Variants in ABCG5 observed in about 807,000 individuals in gnomAD.
ABCG5 encodes the protein ATP binding cassette subfamily G member 5.
ABCG5 carries 64 observed loss-of-function variants against 64.5 expected under a neutral mutation model. The observed-to-expected ratio is 0.99, with a 90% confidence interval of 0.81 to 1.22. The LOEUF (loss-of-function observed/expected upper bound fraction) is 1.22, where lower values mean the gene tolerates loss of function less well. Ranked by LOEUF, ABCG5 falls within the 50% of genes most tolerant of loss-of-function variation. The pLI is 0.00. For missense variants in ABCG5, 908 were observed against 829.5 expected (o/e 1.09, Z -1.16); for synonymous variants, 385 against 326.3 (o/e 1.18, Z -1.94).
At chr2:43,838,921 G>T (rs1028308635), upstream of ABCG5, 5 of 1,206,698 alleles carry the variant, frequency 4.1e-6, no homozygotes, top group South Asian at 5.5e-5. This position sits in a 1 kb window ranked among gnomAD's most constrained non-coding sequence, Gnocchi z 4.2. Context: ...AGCAAGGAAT[G>T]CTGGGAGAGA....
chr2:43,822,950 C>A lies in ABCG5; in HGVS notation c.1325-15G>T. On this transcript the variant is annotated splice_polypyrimidine_tract_variant and intron_variant, in intron 9 of 12. Transcript: ENST00000405322. The stretch of plus-strand genomic sequence containing the variant: ...CAGCACGGGAACTGGGGATGGAAGG[C>A]AGGTTTCAGAACAGTCAGTCACCAC... The A allele has an allele frequency of 6.2e-7, 1 of 1,613,272 alleles. No homozygotes were observed. The highest frequency in any genetic ancestry group is 8.5e-7 in the Non-Finnish European group (1 of 1,179,696).
intron 10 of ABCG5, among the ~76,000 whole-genome samples, chr2:43,821,411 A>G (rs1667191704): frequency 1.3e-5 from 2 of 152,018 alleles, no homozygotes; most frequent in Non-Finnish European, 2.9e-5. Context: ...AATCTGCATC[A>G]CTCACCATGT....
Position 43,813,106 on chromosome 2 carries a change from A to T in ABCG5, c.*10T>A. ...CAGCTTCACTTCCATTTTCCCAGCC[A>T]TGGCTTTCACTACCTGCTAATGAGA... On this transcript the variant is annotated 3_prime_UTR_variant, in exon 13 of 13. Transcript: ENST00000405322. 9.3e-7 allele frequency: 1 copy of T among 1,073,246 alleles called. No individual in the cohort carries two copies. The highest frequency in any genetic ancestry group is 1.5e-6 in the Non-Finnish European group (1 of 686,116). The allele number at this position is 1,073,246 out of a possible 1,614,324, so 66.5% of individuals were successfully genotyped here.
In ABCG5 at chr2:43,826,292, G is replaced by T. The variant is rs113823000; in HGVS notation, c.774+90C>A. 151 of 1,588,390 alleles carry T rather than the reference G, an allele frequency of 9.5e-5. No homozygotes were observed. The African/African-American group carries it at 1.0e-3, about 11-fold the overall frequency. The stretch of plus-strand genomic sequence containing the variant: ...TGGAATTACAAGTGTGAGCCACTGT[G>T]CCTGGCCACTGGTACAAATCTTGCC... On this transcript the variant is annotated intron_variant, in intron 6 of 12. Coordinates refer to ENST00000405322, the MANE Select transcript of ABCG5 (RefSeq NM_022436.3).
chr2:43,837,922 A>G lies in ABCG5; in HGVS notation c.177T>C (p.Ser59=), dbSNP rs1390030417. ...HRVRPWWDIT[S]CRQQWTRQIL... is the part of the protein sequence containing the mutation. ...TCTGCCTGGTCCACTGCTGCCGGCA[A>G]GATGTGATGTCCCACCAGGGCCTCA... Residue 59 remains serine, a synonymous_variant, in exon 2 of 13, where the codon TCT becomes TCC. Transcript: ENST00000405322. The G allele has an allele frequency of 6.2e-7, 1 of 1,614,050 alleles. No individual in the cohort carries two copies. The highest frequency in any genetic ancestry group is 1.1e-5 in the South Asian group (1 of 91,076).
At chr2:43,834,014 G>C (rs1668109692) in intron 2 of ABCG5, among the ~76,000 whole-genome samples, 1 of 152,188 alleles carries the variant, frequency 6.6e-6, no homozygotes, top group South Asian at 2.1e-4. Flanking sequence ...AAACTTGCTT[G>C]TTGCTGTGAG....
Position 43,819,958 on chromosome 2 carries a change from G to A in ABCG5, c.1606C>T (p.Leu536=), listed in dbSNP as rs1341047322. ...ACAAGCACCCCCGCAATGGACAGCAGAGCCACTACACTGTTGACTATATTT... is the reference window on the plus strand; with the variant it reads ...ACAAGCACCCCCGCAATGGACAGCAAAGCCACTACACTGTTGACTATATTT... ...NPNIVNSVVA[L]LSIAGVLVGS... The change falls in exon 11 of 13, where the codon CTG becomes TTG. Residue 536 remains leucine, a synonymous_variant. Transcript: ENST00000405322. The A allele has an allele frequency of 6.2e-7, 1 of 1,614,144 alleles. No individual in the cohort carries two copies.
At chr2:43,810,262 G>T (rs1666436240), downstream of ABCG5, 2 of 702,396 alleles carry the variant, frequency 2.8e-6, no homozygotes, top group East Asian at 1.3e-4. Context: ...ACATTCCCAG[G>T]TCCCCACACC....
chr2:43,825,673 C>T (rs1438325340), intron 6 of ABCG5, among the ~76,000 whole-genome samples: 7 of 152,114 alleles, frequency 4.6e-5, no homozygotes, highest in Non-Finnish European at 8.8e-5. Flanking sequence ...AGTGCAGTGG[C>T]ACAATCCCAG....
At chr2:43,837,119 T>G (rs1035176859) in intron 2 of ABCG5, among the ~76,000 whole-genome samples, 2 of 133,128 alleles carry the variant, frequency 1.5e-5, no homozygotes, top group African/African-American at 5.9e-5. Flanking sequence ...TATTCTCCAG[T>G]CTTTTTTTTT....
chr2:43,809,242 C>G (rs184874120), downstream of ABCG5, among the ~76,000 whole-genome samples: 457 of 152,188 alleles, frequency 3.0e-3, 3 homozygotes, highest in Middle Eastern at 6.8e-3. Context: ...TTCTCCTGCC[C>G]CAGCCTCCCA....
intron 2 of ABCG5, among the ~76,000 whole-genome samples, chr2:43,835,101 C>T (rs1668181202): frequency 6.6e-6 from 1 of 152,166 alleles, no homozygotes; most frequent in South Asian, 2.1e-4. Context: ...ACTTGCAGCC[C>T]ACTGTGGATT....
At chr2:43,813,696 GGTTTTTTTTTTC>G (rs1666616451) in intron 12 of ABCG5, among the ~76,000 whole-genome samples, 1 of 119,552 alleles carries the variant, frequency 8.4e-6, no homozygotes, top group South Asian at 2.8e-4. Context: ...TTTTTTTTGG[GGTTTTTTTTTTC>G]GTTTTTTTTT....
intron 9 of ABCG5, 85 bp from the exon 10 acceptor site, chr2:43,823,020 G>C: frequency 6.4e-7 from 1 of 1,562,610 alleles, no homozygotes; most frequent in Non-Finnish European, 8.7e-7. Flanking sequence ...TGTGAGGTCT[G>C]TCAGGGCTGG....
intron 11 of ABCG5, among the ~76,000 whole-genome samples, chr2:43,819,019 T>G (rs1667024293): frequency 6.6e-6 from 1 of 152,226 alleles, no homozygotes; most frequent in Non-Finnish European, 1.5e-5. Flanking sequence ...CAAAGTCAAG[T>G]CTGAGCTTCA....
chr2:43,823,000 C>G (rs1052015286), intron 9 of ABCG5, 65 bp from the exon 10 acceptor site: 40 of 1,594,708 alleles, frequency 2.5e-5, no homozygotes, highest in Non-Finnish European at 3.2e-5. Context: ...GAGGGCTAGC[C>G]CAAGCTGAAT....
rs552803459 is a variant in ABCG5 at position 43,824,988 on chromosome 2, C to T, written c.805G>A (p.Gly269Arg). 6.8e-6 allele frequency: 11 copies of T among 1,613,828 alleles called. No homozygotes were observed. In the East Asian group the frequency reaches 1.3e-4, roughly 20 times the overall value. The change falls in exon 7 of 13, where the codon GGA (glycine) becomes AGA (arginine). Residue 269 changes from glycine (G) to arginine (R), a missense_variant. Gly to Arg is a moderately radical substitution (Grantham distance 125). Transcript: ENST00000405322. ...LFDKIAILSFGELIFCGTPAE... is the reference protein window; with the variant it reads ...LFDKIAILSFRELIFCGTPAE... ...GGCGTGCCACAGAAAATCAGCTCTC[C>T]GAAGCTCAGGATGGCAATTTTGTCA...
intron 11 of ABCG5, among the ~76,000 whole-genome samples, chr2:43,816,972 A>C (rs907733578): frequency 6.6e-6 from 1 of 152,200 alleles, no homozygotes. Flanking sequence ...TTAAAAGAGA[A>C]GGGAGCCAAC....
At chr2:43,807,906 T>C (rs1375567432), downstream of ABCG5, among the ~76,000 whole-genome samples, 2 of 152,162 alleles carry the variant, frequency 1.3e-5, no homozygotes, top group African/African-American at 4.8e-5. Flanking sequence ...GAAGATCTAG[T>C]GGACTTGGTG....
Sources: allele counts gnomAD v4.1 joint callset (sites outside exome capture counted in the v4.1 genomes callset), GRCh38; gene constraint gnomAD v4.1.1; non-coding constraint Gnocchi (gnomAD v3.1); transcripts MANE v1.5; gene names NCBI Gene and HGNC (gene_info 2026-07-23, HGNC 2026-07-21).